The following KCNK2 variants were observed in gnomAD, a reference collection of about 807,000 sequenced individuals.
KCNK2 encodes the protein potassium two pore domain channel subfamily K member 2, also known as potassium channel subfamily K member 2.
KCNK2 carries 21 observed loss-of-function variants against 40.5 expected under a neutral mutation model. The observed-to-expected ratio is 0.52, with a 90% CI of 0.37 to 0.75. KCNK2 has a LOEUF of 0.75. Ranked by LOEUF, KCNK2 falls within the 30% of genes least tolerant of loss-of-function variation. The pLI, the probability that KCNK2 is intolerant of heterozygous loss-of-function variation, is 0.00. For synonymous variants in KCNK2, 191 were observed against 202.2 expected (o/e 0.94, Z 0.47); for missense variants, 399 against 531.6 (o/e 0.75, Z 2.45).
intron 6 of KCNK2, among the ~76,000 whole-genome samples, chr1:215,229,747 C>G (rs1234844853): frequency 6.6e-6 from 1 of 151,846 alleles, no homozygotes; most frequent in Non-Finnish European, 1.5e-5. Context: ...ATGAGTTGCC[C>G]AAGTGCACAC....
chr1:215,195,119 C>T (rs1178108247), intron 6 of KCNK2, 27 bp downstream of exon 6: 14 of 1,538,324 alleles, frequency 9.1e-6, no homozygotes, highest in Non-Finnish European at 1.2e-5. Flanking sequence ...GTGCAAAAAA[C>T]TTCTATTTAG....
chr1:215,181,934 C>T (rs1664232986), intron 5 of KCNK2, among the ~76,000 whole-genome samples: 1 of 152,210 alleles, frequency 6.6e-6, no homozygotes, highest in Admixed American at 6.5e-5. Flanking sequence ...GGCACTAGCA[C>T]TGAGGGAAAA....
chr1:215,031,050 C>T (rs1657172126), intron 1 of KCNK2, among the ~76,000 whole-genome samples: 1 of 152,060 alleles, frequency 6.6e-6, no homozygotes, highest in Non-Finnish European at 1.5e-5. Flanking sequence ...GAACTGTTGA[C>T]CATATCTATA....
At chr1:215,166,304 G>A (rs748248997) in intron 3 of KCNK2, among the ~76,000 whole-genome samples, 2 of 151,954 alleles carry the variant, frequency 1.3e-5, no homozygotes, top group South Asian at 4.2e-4. Flanking sequence ...TTGAGTTGAG[G>A]AGCCCACATC....
In KCNK2 at chr1:215,016,043, T is replaced by C. The variant is rs1304754889; in HGVS notation, c.34+10088T>C. ...ACGATCAAGCGAAACAAAATGTGTA[T>C]GTATAATCAAAACTTACTGAATACC... On this transcript the variant is annotated intron_variant, in intron 1 of 6. Coordinates refer to the KCNK2 transcript ENST00000391895. 2.0e-5 allele frequency among the ~76,000 whole-genome samples: 3 copies of C among 152,168 alleles called. No individual in the cohort carries two copies. In the East Asian group the frequency reaches 5.8e-4, roughly 29 times the overall value.
At chr1:215,125,305 T>G (rs1382520575) in intron 3 of KCNK2, among the ~76,000 whole-genome samples, 4 of 152,194 alleles carry the variant, frequency 2.6e-5, no homozygotes, top group Non-Finnish European at 5.9e-5. Flanking sequence ...AGTATGAAAG[T>G]TTAGACCCCT....
chr1:215,007,958 G>A (rs530396855), intron 1 of KCNK2, among the ~76,000 whole-genome samples: 1 of 152,142 alleles, frequency 6.6e-6, no homozygotes, highest in South Asian at 2.1e-4. Flanking sequence ...ATTAAAACAA[G>A]GCATTCTACA....
At chr1:215,124,396 T>C (rs576154072) in intron 2 of KCNK2, among the ~76,000 whole-genome samples, 1 of 152,172 alleles carries the variant, frequency 6.6e-6, no homozygotes, top group Non-Finnish European at 1.5e-5. Context: ...GTTGGTGCAA[T>C]ATTATAACCT....
intron 6 of KCNK2, among the ~76,000 whole-genome samples, chr1:215,198,259 C>T (rs560194571): frequency 6.6e-6 from 1 of 152,156 alleles, no homozygotes; most frequent in Admixed American, 6.5e-5. Context: ...AGGCTATGAC[C>T]AGAGCTTTAA....
At chr1:215,188,376 G>C (rs1009246046) in intron 5 of KCNK2, among the ~76,000 whole-genome samples, 1 of 151,928 alleles carries the variant, frequency 6.6e-6, no homozygotes, top group Non-Finnish European at 1.5e-5. Flanking sequence ...TTTTTTACTT[G>C]GGAAGCACAC....
At chr1:215,123,036 G>A (rs896415240) in intron 2 of KCNK2, among the ~76,000 whole-genome samples, 4 of 151,792 alleles carry the variant, frequency 2.6e-5, no homozygotes, top group South Asian at 2.1e-4. Context: ...GAGCCACCAC[G>A]CCCCACCGAA....
chr1:215,190,946 C>G (rs767809720), intron 5 of KCNK2, among the ~76,000 whole-genome samples: 195 of 151,692 alleles, frequency 1.3e-3, no homozygotes, highest in Non-Finnish European at 2.2e-3. Flanking sequence ...CTGGGTTAGG[C>G]AGGGTTTACA....
intron 2 of KCNK2, among the ~76,000 whole-genome samples, chr1:215,114,700 G>T (rs977462337): frequency 2.0e-5 from 3 of 152,096 alleles, no homozygotes; most frequent in East Asian, 3.9e-4. Context: ...AAACAGTTTT[G>T]CAAGACTTCC....
At chr1:215,226,748 A>G (rs1292501866) in intron 6 of KCNK2, among the ~76,000 whole-genome samples, 1 of 152,034 alleles carries the variant, frequency 6.6e-6, no homozygotes, top group East Asian at 1.9e-4. Flanking sequence ...AGGGCTGGTA[A>G]GCAGAAAGGA....
chr1:215,087,859 T>G (rs1444923093), intron 2 of KCNK2, among the ~76,000 whole-genome samples: 1 of 152,236 alleles, frequency 6.6e-6, no homozygotes, highest in Non-Finnish European at 1.5e-5. Context: ...CATAGTCCTC[T>G]CAATTTACAG....
At chr1:215,143,667 C>A (rs1662285072) in intron 3 of KCNK2, among the ~76,000 whole-genome samples, 1 of 152,146 alleles carries the variant, frequency 6.6e-6, no homozygotes, top group Non-Finnish European at 1.5e-5. Flanking sequence ...CAGAGCCTAG[C>A]TTGTAGTGTT....
intron 3 of KCNK2, among the ~76,000 whole-genome samples, chr1:215,162,013 C>T (rs1044576961): frequency 1.3e-4 from 20 of 152,274 alleles, no homozygotes; most frequent in South Asian, 4.1e-4. Context: ...TTGTCTTCCA[C>T]GATGGTTGAA....
At chr1:215,222,812 A>G (rs780421874) in intron 6 of KCNK2, among the ~76,000 whole-genome samples, 6 of 152,034 alleles carry the variant, frequency 3.9e-5, no homozygotes, top group Non-Finnish European at 1.5e-5. Context: ...TCAACAATAC[A>G]ATGAAATGTC....
intron 1 of KCNK2, among the ~76,000 whole-genome samples, chr1:215,047,406 A>G (rs758017720): frequency 3.3e-5 from 5 of 152,094 alleles, no homozygotes; most frequent in Admixed American, 6.6e-5. Flanking sequence ...GTTGAGGCAT[A>G]GTAAGGTTTA....
Sources: allele counts gnomAD v4.1 joint callset (sites outside exome capture counted in the v4.1 genomes callset), GRCh38; gene constraint gnomAD v4.1.1; transcripts MANE v1.5; gene names NCBI Gene and HGNC (gene_info 2026-07-23, HGNC 2026-07-21).